THSD4: variants seen among roughly 807,000 people sequenced by gnomAD.
THSD4 encodes thrombospondin type 1 domain containing 4.
Under a neutral mutation model 119.0 loss-of-function variants are expected in THSD4, and 69 were observed. The observed-to-expected ratio is 0.58, with a 90% CI of 0.48 to 0.71. The LOEUF is 0.71. Among genes scored for constraint, THSD4 ranks in the 30% least tolerant of loss-of-function variants. The pLI is 0.00. For missense variants in THSD4, 1,393 were observed against 1,391.1 expected, an observed-to-expected ratio of 1.00 and a Z score of -0.02; for synonymous variants, 524 against 540.4, an observed-to-expected ratio of 0.97 and a Z score of 0.42.
At chr15:71,455,446 G>A (rs1218045880) in intron 7 of THSD4, among the ~76,000 whole-genome samples, 2 of 152,090 alleles carry the variant, frequency 1.3e-5, no homozygotes, top group African/African-American at 4.8e-5. Flanking sequence ...ATCTCCATCA[G>A]CCACCCCCTT....
chr15:71,773,205 AAAAAAAAAAAG>A (rs967703593), intron 17 of THSD4, among the ~76,000 whole-genome samples: 9 of 134,886 alleles, frequency 6.7e-5, no homozygotes, highest in African/African-American at 2.2e-4. Flanking sequence ...TGTCTCAAAA[AAAAAAAAAAAG>A]AAAAAGAAAA....
chr15:71,668,583 C>A (rs1039212127), intron 8 of THSD4, among the ~76,000 whole-genome samples: 1 of 152,194 alleles, frequency 6.6e-6, no homozygotes, highest in Non-Finnish European at 1.5e-5. Flanking sequence ...GGCATTGCCT[C>A]CTCGTCCAAA....
chr15:71,608,733 G>GC (rs1472451003), intron 7 of THSD4, among the ~76,000 whole-genome samples: 7 of 152,260 alleles, frequency 4.6e-5, no homozygotes, highest in Non-Finnish European at 1.0e-4. Context: ...TGTTTCTACT[G>GC]CCAGCATCTC....
chr15:71,285,997 G>C (rs1737550536), intron 6 of THSD4, among the ~76,000 whole-genome samples: 1 of 148,750 alleles, frequency 6.7e-6, no homozygotes, highest in South Asian at 2.1e-4. Context: ...TTTTTTCAAA[G>C]TGAGGTTTAG....
In THSD4 at chr15:71,242,542, C is replaced by T; in HGVS notation, c.465-107C>T. On this transcript the variant is annotated intron_variant, in intron 4 of 17. Coordinates refer to ENST00000261862, the MANE Select transcript of THSD4 (RefSeq NM_024817.3). ...CCCAGTTCTACCATAGACCCTTTCC[C>T]AAGCTTCCGTTCCTACCTGGTCCTC... 4 of 1,249,744 alleles carry T rather than the reference C, an allele frequency of 3.2e-6. No individual in the cohort carries two copies. The South Asian group carries it at 5.7e-5, about 18-fold the overall frequency. The allele number at this position is 1,249,744 out of a possible 1,614,324, so 77.4% of individuals were successfully genotyped here.
At chr15:71,369,207 T>C (rs549495658) in intron 6 of THSD4, among the ~76,000 whole-genome samples, 2 of 152,356 alleles carry the variant, frequency 1.3e-5, no homozygotes, top group East Asian at 1.9e-4. Context: ...TTTCTAAATA[T>C]ACAATCATGT....
rs1197231075 is a variant in THSD4 at position 71,215,209 on chromosome 15, C to A, written c.274C>A (p.Arg92=). Residue 92 remains arginine, a synonymous_variant, in exon 4 of 18, where the codon CGG becomes AGG. Coordinates refer to ENST00000261862, the MANE Select transcript of THSD4 (RefSeq NM_024817.3). The part of the protein sequence containing the change: ...PRSYRLRGGQ[R]PGAPARAFAD... ...CTCCTACCGCCTGCGCGGCGGCCAGCGGCCTGGCGCCCCTGCGCGCGCCTT... is the reference window on the plus strand; with the variant it reads ...CTCCTACCGCCTGCGCGGCGGCCAGAGGCCTGGCGCCCCTGCGCGCGCCTT... 15 of 1,361,436 alleles carry A rather than the reference C, an allele frequency of 1.1e-5. No individual in the cohort carries two copies. Among genetic ancestry groups the A allele is most frequent in the Non-Finnish European group, 1.4e-5 (15 of 1,062,194 alleles). 84.3% of individuals were successfully genotyped at this position (1,361,436 alleles called of 1,614,324 possible). A position where few individuals can be genotyped will look rare whatever the true frequency, so the allele number is the denominator to read the frequency against.
chr15:71,415,744 T>C (rs1351757900), intron 7 of THSD4, among the ~76,000 whole-genome samples: 1 of 152,196 alleles, frequency 6.6e-6, no homozygotes, highest in Non-Finnish European at 1.5e-5. Flanking sequence ...TGAGTTCAAT[T>C]GTTTTAATTT....
At chr15:71,402,081 A>G (rs2046542571) in intron 6 of THSD4, among the ~76,000 whole-genome samples, 1 of 149,198 alleles carries the variant, frequency 6.7e-6, no homozygotes, top group Non-Finnish European at 1.5e-5. Flanking sequence ...GGAGGGGAAC[A>G]TCACACACTG....
chr15:71,512,848 G>GT (rs2048302922), intron 7 of THSD4, among the ~76,000 whole-genome samples: 1 of 152,064 alleles, frequency 6.6e-6, no homozygotes, highest in African/African-American at 2.4e-5. Flanking sequence ...TGGTAGCTCT[G>GT]TTTTTTACAG....
intron 6 of THSD4, among the ~76,000 whole-genome samples, chr15:71,390,314 T>C (rs575749513): frequency 6.6e-6 from 1 of 152,308 alleles, no homozygotes; most frequent in Admixed American, 6.5e-5. Flanking sequence ...CATTATCTGT[T>C]TTTGGCGAAC....
At chr15:71,553,936 T>C (rs572572293) in intron 7 of THSD4, among the ~76,000 whole-genome samples, 1 of 152,124 alleles carries the variant, frequency 6.6e-6, no homozygotes, top group African/African-American at 2.4e-5. Context: ...TTTAAATTTT[T>C]TCTTCTTTTT....
intron 2 of THSD4, among the ~76,000 whole-genome samples, chr15:71,143,684 T>TA (rs2040627022): frequency 7.2e-6 from 1 of 139,748 alleles, no homozygotes; most frequent in African/African-American, 3.1e-5. Context: ...TTTTTTTCTT[T>TA]CTTTTTTTTT....
rs200228787 is a variant in THSD4 at position 71,715,851 on chromosome 15, AAG to A, written c.1358-12697_1358-12696del. Among the ~76,000 whole-genome samples the A allele has an allele frequency of 8.8e-3, 1,339 of 151,844 alleles. 23 individuals are homozygous for A. The highest frequency in any genetic ancestry group is 0.029 in the African/African-American group (1,215 of 41,360). On this transcript the variant is annotated intron_variant, in intron 8 of 17. Coordinates refer to ENST00000261862, the MANE Select transcript of THSD4 (RefSeq NM_024817.3). ...AAATATTGGTGTTTTAGTCTTTTGC[AAG>A]CCAACCAAAACACCCACCACTCCAC...
chr15:71,134,552 C>T (rs963201121), intron 1 of THSD4, among the ~76,000 whole-genome samples: 3 of 152,246 alleles, frequency 2.0e-5, no homozygotes, highest in African/African-American at 7.2e-5. Flanking sequence ...ATTCTTCACC[C>T]ATTCACCCAT....
At chr15:71,589,230 T>TTATGATCTGTGCAGCAAACCACC (rs1199518685) in intron 7 of THSD4, among the ~76,000 whole-genome samples, 5 of 142,110 alleles carry the variant, frequency 3.5e-5, no homozygotes, top group Non-Finnish European at 6.4e-5. Context: ...TTGAATATAT[T>TTATGATCTGTGCAGCAAACCACC]AAAGGACATA....
intron 7 of THSD4, among the ~76,000 whole-genome samples, chr15:71,616,330 C>G (rs11072309): frequency 0.19 from 28,986 of 152,098 alleles, 2,862 homozygotes; most frequent in African/African-American, 0.25. Context: ...AGGTAGGGTT[C>G]TGAGCATAAT....
chr15:71,643,901 G>A (rs1163742503), intron 7 of THSD4, among the ~76,000 whole-genome samples: 3 of 152,192 alleles, frequency 2.0e-5, no homozygotes, highest in Non-Finnish European at 4.4e-5. Context: ...TGTTCCAAAG[G>A]CTGCATAAAA....
intron 6 of THSD4, among the ~76,000 whole-genome samples, chr15:71,322,071 G>A (rs1386365836): frequency 6.6e-6 from 1 of 151,910 alleles, no homozygotes; most frequent in African/African-American, 2.4e-5. Context: ...CAAGCTTGGA[G>A]TACATTAAAA....
Sources: gnomAD v4.1 joint callset for allele counts (sites outside exome capture counted in the v4.1 genomes callset) on GRCh38, gnomAD v4.1.1 for gene constraint, MANE v1.5 for transcripts, NCBI Gene and HGNC (gene_info 2026-07-23, HGNC 2026-07-21) for gene names.